The following RAPH1 variants were observed in gnomAD, a reference collection of about 807,000 sequenced individuals.
RAPH1 encodes the protein ras-associated and pleckstrin homology domains-containing protein 1.
In RAPH1, 18 loss-of-function variants were observed where a neutral mutation model predicts 88.1. That is an observed-to-expected ratio of 0.20 (90% CI 0.14 to 0.30). The LOEUF (loss-of-function observed/expected upper bound fraction) is 0.30, where lower values mean the gene tolerates loss of function less well. Ranked by LOEUF, RAPH1 falls within the 10% of genes least tolerant of loss-of-function variation. The pLI, the probability that RAPH1 is intolerant of heterozygous loss-of-function variation, is 1.00. For synonymous variants in RAPH1, 587 were observed against 559.0 expected (o/e 1.05, Z -0.71); for missense variants, 1,448 against 1,543.2 (o/e 0.94, Z 1.03).
Position 203,455,488 on chromosome 2 carries a change from A to G in RAPH1, c.1251T>C (p.Tyr417=), listed in dbSNP as rs758106509. Reference sequence around the variant, plus strand: ...AGATACCAGATGCTCGCAAGAGAAAATAACGCTTTTTCCAGGACTTCTTGC... The same window carrying G: ...AGATACCAGATGCTCGCAAGAGAAAGTAACGCTTTTTCCAGGACTTCTTGC... ...DDGKKSWKKR[Y]FLLRASGIYY... Residue 417 remains tyrosine, a synonymous_variant, in exon 9 of 14, where the codon TAT becomes TAC. Transcript: ENST00000319170. The G allele has an allele frequency of 1.2e-6, 2 of 1,614,070 alleles. No homozygotes were observed. The highest frequency in any genetic ancestry group is 8.5e-7 in the Non-Finnish European group (1 of 1,179,964).
At chr2:203,508,425 G>A (rs984699555) in intron 1 of RAPH1, among the ~76,000 whole-genome samples, 3 of 151,872 alleles carry the variant, frequency 2.0e-5, no homozygotes, top group Non-Finnish European at 2.9e-5. Flanking sequence ...GAGCCACCAC[G>A]CCTGGCCTTG....
chr2:203,526,008 C>T (rs1166973617), intron 1 of RAPH1, among the ~76,000 whole-genome samples: 1 of 148,796 alleles, frequency 6.7e-6, no homozygotes, highest in Non-Finnish European at 1.5e-5. Flanking sequence ...AAAAAAAATA[C>T]TATGGACATG....
At chr2:203,461,165 A>G in intron 6 of RAPH1, 84 bp downstream of exon 6, 1 of 661,326 alleles carries the variant, frequency 1.5e-6, no homozygotes. Context: ...ATATATAAAG[A>G]TAACTCAAAA....
At chr2:203,507,232 G>GT (rs1382653992) in intron 1 of RAPH1, among the ~76,000 whole-genome samples, 1 of 151,660 alleles carries the variant, frequency 6.6e-6, no homozygotes, top group African/African-American at 2.4e-5. Flanking sequence ...AATATACACA[G>GT]TAAAGAAGAA....
chr2:203,476,336 A>G (rs1375989978), intron 4 of RAPH1, among the ~76,000 whole-genome samples: 1 of 151,946 alleles, frequency 6.6e-6, no homozygotes, highest in Non-Finnish European at 1.5e-5. Context: ...AAGCCTGGCT[A>G]ATTTTTGTAT....
intron 4 of RAPH1, among the ~76,000 whole-genome samples, chr2:203,479,901 T>C (rs1207644681): frequency 6.6e-6 from 1 of 152,220 alleles, no homozygotes; most frequent in Admixed American, 6.5e-5. Flanking sequence ...CCAAGTCTAA[T>C]ATTTACGTAC....
intron 1 of RAPH1, among the ~76,000 whole-genome samples, chr2:203,520,348 C>A (rs1312967276): frequency 6.7e-6 from 1 of 150,238 alleles, no homozygotes; most frequent in African/African-American, 2.5e-5. Context: ...AAAAACCACG[C>A]CAGGCATGGT....
At chr2:203,521,514 T>C (rs1185224105) in intron 1 of RAPH1, among the ~76,000 whole-genome samples, 2 of 152,208 alleles carry the variant, frequency 1.3e-5, no homozygotes, top group Non-Finnish European at 2.9e-5. Context: ...ATTTTCATTG[T>C]ATACATTACA....
rs2098499014 is a variant in RAPH1 at position 203,436,982 on chromosome 2, G to A, written c.*2455C>T. On this transcript the variant is annotated 3_prime_UTR_variant, in exon 14 of 14. Coordinates refer to ENST00000319170, the MANE Select transcript of RAPH1 (RefSeq NM_213589.3). ...TTTCTGTCTGTGGAGGAATGTAAAG[G>A]GAAATGGCCTGTTGTCGGACAAGCC... The A allele has an allele frequency of 6.6e-6, 1 of 151,894 alleles. No individual in the cohort carries two copies. The highest frequency in any genetic ancestry group is 1.5e-5 in the Non-Finnish European group (1 of 68,008). The allele number at this position is 151,894 out of a possible 1,614,324, so 9.4% of individuals were successfully genotyped here. A position where few individuals can be genotyped will look rare whatever the true frequency, so the allele number is the denominator to read the frequency against.
At chr2:203,524,190 C>T (rs2105979449) in intron 1 of RAPH1, among the ~76,000 whole-genome samples, 1 of 152,202 alleles carries the variant, frequency 6.6e-6, no homozygotes, top group South Asian at 2.1e-4. Context: ...CATTACATTG[C>T]TCAACATCAA....
intron 2 of RAPH1, among the ~76,000 whole-genome samples, chr2:203,492,027 A>T (rs1273688395): frequency 6.6e-6 from 1 of 152,160 alleles, no homozygotes; most frequent in East Asian, 1.9e-4. Flanking sequence ...TGAGGTCAGA[A>T]GTTCGAGACC....
rs967264292 is a variant in RAPH1 at position 203,448,356 on chromosome 2, A to G, written c.1513-277T>C. 6.6e-6 allele frequency among the ~76,000 whole-genome samples: 1 copy of G among 152,196 alleles called. No individual in the cohort carries two copies. Among genetic ancestry groups the G allele is most frequent in the Non-Finnish European group, 1.5e-5 (1 of 68,034 alleles). ...ATTCTTGATCCAAGGGCAGCTTTTT[A>G]GCACTCTTCAGGATACTGCTCCAAA... On this transcript the variant is annotated intron_variant, in intron 11 of 13. Transcript: ENST00000319170. The surrounding 1 kb of genome is among the most constrained non-coding windows in gnomAD (Gnocchi z 4.1).
At chr2:203,477,111 T>C (rs1282078519) in intron 4 of RAPH1, 8 of 1,613,898 alleles carry the variant, frequency 5.0e-6, no homozygotes, top group Non-Finnish European at 6.8e-6. Flanking sequence ...GTGAAGTCAA[T>C]ATGACGCTTG....
At position 203,440,196 on chromosome 2, in the gene RAPH1, G is replaced by T; in HGVS notation, c.2994C>A (p.Asp998Glu). The change falls in exon 14 of 14, where the codon GAC becomes GAA. Residue 998 changes from aspartate to glutamate, a missense_variant. Around this residue, in one of 2 missense-constraint regions of RAPH1, gnomAD observed 935 missense variants for 890.1 expected, o/e 1.05. Transcript: ENST00000319170. ...GCGGTGTAAACTTGCTGACTAGACT[G>T]TCCACCGAGGGTCTCTTGGGCTCGG... ...EHPEPKRPSV[D>E]SLVSKFTPPA... 6.2e-7 allele frequency: 1 copy of T among 1,613,922 alleles called. No homozygotes were observed. The highest frequency in any genetic ancestry group is 1.1e-5 in the South Asian group (1 of 91,082).
intron 4 of RAPH1, among the ~76,000 whole-genome samples, chr2:203,482,029 C>A (rs960840607): frequency 6.6e-6 from 1 of 151,332 alleles, no homozygotes; most frequent in Admixed American, 6.6e-5. Context: ...CACACACACA[C>A]ACAGATTTCC....
rs1285497353 is a variant in RAPH1, at chr2:203,435,980, A to G, written c.*3457T>C. The G allele has an allele frequency of 6.6e-6, 1 of 152,222 alleles. No homozygotes were observed. The highest frequency in any genetic ancestry group is 1.5e-5 in the Non-Finnish European group (1 of 68,042). 9.4% of individuals were successfully genotyped at this position (152,222 alleles called of 1,614,324 possible). On this transcript the variant is annotated 3_prime_UTR_variant, in exon 14 of 14. Coordinates refer to ENST00000319170, the MANE Select transcript of RAPH1 (RefSeq NM_213589.3). ...ATATACAAGTTTATTCTCCCAGAATAGCAGCAAATAAAACTTGAATTGGAT... is the reference window on the plus strand; with the variant it reads ...ATATACAAGTTTATTCTCCCAGAATGGCAGCAAATAAAACTTGAATTGGAT...
chr2:203,516,031 T>G (rs1689589393), intron 1 of RAPH1, among the ~76,000 whole-genome samples: 1 of 152,176 alleles, frequency 6.6e-6, no homozygotes, highest in East Asian at 1.9e-4. Context: ...ACAATATACG[T>G]GATTACGTAA....
Position 203,439,740 on chromosome 2 carries a change from T to C in RAPH1, c.3450A>G (p.Gln1150=), listed in dbSNP as rs1432558941. The change falls in exon 14 of 14, where the codon CAA becomes CAG. Residue 1150 remains glutamine, a synonymous_variant. Coordinates refer to ENST00000319170, the MANE Select transcript of RAPH1 (RefSeq NM_213589.3). Reference sequence around the variant, plus strand: ...GGCTGGATTTGGGAGAGGTGGGCACTTGTGGCACAACTGTGGCCATTGTTG... The same window carrying C: ...GGCTGGATTTGGGAGAGGTGGGCACCTGTGGCACAACTGTGGCCATTGTTG... The part of the protein sequence containing the change: ...EQPTMATVVP[Q]VPTSPKSSLS... 6.2e-7 allele frequency: 1 copy of C among 1,614,110 alleles called. No homozygotes were observed. The highest frequency in any genetic ancestry group is 1.1e-5 in the South Asian group (1 of 91,082).
chr2:203,533,442 G>A (rs564127838), intron 1 of RAPH1: 2 of 152,114 alleles, frequency 1.3e-5, no homozygotes, highest in African/African-American at 2.4e-5. Flanking sequence ...TTGAAGGTCA[G>A]ACTCAACAAG....
Sources: gnomAD v4.1 joint callset for allele counts (sites outside exome capture counted in the v4.1 genomes callset) on GRCh38, gnomAD v4.1.1 for gene constraint, gnomAD v4.1.1 regional missense constraint, Gnocchi (gnomAD v3.1) non-coding constraint, MANE v1.5 for transcripts, NCBI Gene and HGNC (gene_info 2026-07-23, HGNC 2026-07-21) for gene names.